PDE7B: variants seen among roughly 807,000 people sequenced by gnomAD.
The protein encoded by PDE7B is 3',5'-cyclic-AMP phosphodiesterase 7B.
Under a neutral mutation model 56.2 loss-of-function variants are expected in PDE7B, and 29 were observed. The observed-to-expected ratio is 0.52, with a 90% CI of 0.38 to 0.70. The LOEUF (loss-of-function observed/expected upper bound fraction) is 0.70. Ranked by LOEUF, PDE7B falls within the 30% of genes least tolerant of loss-of-function variation. PDE7B has a pLI of 0.00. For synonymous variants in PDE7B, 197 were observed against 196.9 expected (o/e 1.00, Z 0.00); for missense variants, 490 against 565.0 (o/e 0.87, Z 1.35).
At chr6:135,876,181 G>T (rs991525303) in intron 1 of PDE7B, among the ~76,000 whole-genome samples, 1 of 152,204 alleles carries the variant, frequency 6.6e-6, no homozygotes, top group Non-Finnish European at 1.5e-5. Context: ...ATGGCTGTGA[G>T]AAGAGTTTGG....
chr6:135,870,556 A>T (rs1011952312), intron 1 of PDE7B, among the ~76,000 whole-genome samples: 1 of 151,592 alleles, frequency 6.6e-6, no homozygotes, highest in Non-Finnish European at 1.5e-5. Flanking sequence ...CACCTAAATA[A>T]ACTAAATTTG....
Position 136,002,731 on chromosome 6 carries a change from G to A in PDE7B, c.82+55207G>A, listed in dbSNP as rs187913131. Among the ~76,000 whole-genome samples, 6 of 152,248 alleles carry A rather than the reference G, an allele frequency of 3.9e-5. No individual in the cohort carries two copies. The East Asian group carries it at 1.2e-3, about 29-fold the overall frequency. On this transcript the variant is annotated intron_variant, in intron 2 of 12. Coordinates refer to ENST00000308191, the MANE Select transcript of PDE7B (RefSeq NM_018945.4). The stretch of plus-strand genomic sequence containing the variant: ...CCCTAGTGACCTACAAAGAGACTTA[G>A]ACTCCCACAAATTAATAATGGGAGA...
chr6:136,108,886 C>A, intron 3 of PDE7B, 72 bp downstream of exon 3: 1 of 983,406 alleles, frequency 1.0e-6, no homozygotes, highest in Non-Finnish European at 1.6e-6. Flanking sequence ...CCTCATTTCC[C>A]TCTGAACTTC....
intron 6 of PDE7B, among the ~76,000 whole-genome samples, chr6:136,152,625 T>C (rs1439085333): frequency 6.6e-6 from 1 of 152,238 alleles, no homozygotes; most frequent in Non-Finnish European, 1.5e-5. Flanking sequence ...TATTTAAATG[T>C]GTGCATATTC....
intron 9 of PDE7B, among the ~76,000 whole-genome samples, chr6:136,175,974 ATATG>A (rs1449013595): frequency 1.3e-5 from 2 of 151,924 alleles, no homozygotes; most frequent in East Asian, 1.9e-4. Context: ...AATTTGACAT[ATATG>A]TATGTATATA....
At chr6:136,000,627 G>C (rs145608263) in intron 2 of PDE7B, among the ~76,000 whole-genome samples, 2,030 of 152,186 alleles carry the variant, frequency 0.013, 64 homozygotes, top group African/African-American at 0.046. Context: ...TTTTGTACTA[G>C]TACCATGCTG....
chr6:135,953,574 CTATAAA>C (rs903056534), intron 2 of PDE7B, among the ~76,000 whole-genome samples: 6 of 152,054 alleles, frequency 3.9e-5, no homozygotes, highest in African/African-American at 9.7e-5. Flanking sequence ...TTTAGAAGTA[CTATAAA>C]TATAAGTTAT....
intron 2 of PDE7B, among the ~76,000 whole-genome samples, chr6:135,990,625 T>C (rs889747307): frequency 4.6e-5 from 7 of 152,210 alleles, no homozygotes; most frequent in African/African-American, 1.7e-4. Flanking sequence ...TCTGGAGATA[T>C]ATTGTGCAAC....
chr6:136,061,654 T>C (rs1776843066), intron 2 of PDE7B, among the ~76,000 whole-genome samples: 4 of 152,144 alleles, frequency 2.6e-5, no homozygotes, highest in African/African-American at 7.2e-5. Context: ...CAACCACTCA[T>C]AGAGTAGAAG....
At chr6:136,058,549 T>G (rs1776779673) in intron 2 of PDE7B, among the ~76,000 whole-genome samples, 1 of 152,192 alleles carries the variant, frequency 6.6e-6, no homozygotes, top group Non-Finnish European at 1.5e-5. Context: ...ATAAGACTAG[T>G]AAGAATTATC....
At chr6:135,934,754 A>C (rs554146413) in intron 1 of PDE7B, among the ~76,000 whole-genome samples, 1 of 115,112 alleles carries the variant, frequency 8.7e-6, no homozygotes, top group Non-Finnish European at 1.7e-5. Context: ...ATATATATAT[A>C]TTTTTTAAAT....
chr6:136,058,211 G>A (rs1776772288), intron 2 of PDE7B, among the ~76,000 whole-genome samples: 2 of 152,144 alleles, frequency 1.3e-5, no homozygotes, highest in African/African-American at 4.8e-5. Context: ...TCAACATACA[G>A]TAATAGTTTA....
chr6:136,075,246 T>C (rs1777111264), intron 2 of PDE7B, among the ~76,000 whole-genome samples: 1 of 152,202 alleles, frequency 6.6e-6, no homozygotes, highest in Non-Finnish European at 1.5e-5. Flanking sequence ...AAGGGGCATC[T>C]GAAAATTATC....
intron 7 of PDE7B, among the ~76,000 whole-genome samples, chr6:136,154,690 C>G (rs1778577668): frequency 6.6e-6 from 1 of 152,220 alleles, no homozygotes; most frequent in Non-Finnish European, 1.5e-5. Flanking sequence ...CAAGCATGTT[C>G]TGATGCAATA....
rs142092241 is a variant in PDE7B, at chr6:136,075,324, G to A, written c.83-33407G>A. On this transcript the variant is annotated intron_variant, in intron 2 of 12. Transcript: ENST00000308191. ...AATGTACTAAGATTTCAAAGTGCTA[G>A]GCAAAGCGTCCCCAACCCACTGCAG... 7.9e-4 allele frequency among the ~76,000 whole-genome samples: 121 copies of A among 152,250 alleles called. 1 individual carries two copies. The East Asian group carries it at 0.022, about 28-fold the overall frequency.
At chr6:135,852,050 A>G (rs1470851012) in intron 1 of PDE7B, 31 bp downstream of exon 1, 7 of 1,510,646 alleles carry the variant, frequency 4.6e-6, no homozygotes, top group Non-Finnish European at 5.5e-6. Flanking sequence ...CGGCAAGCTC[A>G]GTTTTCTTGA....
At chr6:136,181,374 C>T (rs370254697) in intron 11 of PDE7B, 51 bp downstream of exon 11, 27 of 1,102,658 alleles carry the variant, frequency 2.4e-5, no homozygotes, top group Non-Finnish European at 3.5e-5. Context: ...TTCTTTTAGG[C>T]ATTTATCCTA....
intron 8 of PDE7B, among the ~76,000 whole-genome samples, chr6:136,172,553 GGT>G (rs1778906460): frequency 1.3e-5 from 2 of 151,966 alleles, no homozygotes; most frequent in African/African-American, 2.4e-5. Context: ...CAGATGAGTA[GGT>G]TTTGAAAATT....
intron 2 of PDE7B, among the ~76,000 whole-genome samples, chr6:136,029,922 C>T (rs6927756): frequency 1.1e-3 from 175 of 152,290 alleles, no homozygotes; most frequent in African/African-American, 4.0e-3. Flanking sequence ...GTGTTGTATA[C>T]ATACTACATG....
Sources: allele counts gnomAD v4.1 joint callset (sites outside exome capture counted in the v4.1 genomes callset), GRCh38; gene constraint gnomAD v4.1.1; transcripts MANE v1.5; gene names NCBI Gene and HGNC (gene_info 2026-07-23, HGNC 2026-07-21).